Variants in MGAT4C observed in about 807,000 individuals in gnomAD.
MGAT4C encodes alpha-1,3-mannosyl-glycoprotein 4-beta-N-acetylglucosaminyltransferase C.
A neutral mutation model predicts 40.1 loss-of-function variants in MGAT4C; 19 were observed. That is an observed-to-expected ratio of 0.47 (90% confidence interval 0.33 to 0.70). The LOEUF is 0.70. Among genes scored for constraint, MGAT4C ranks in the 30% least tolerant of loss-of-function variants. The pLI is 0.02. For missense variants in MGAT4C, 491 were observed against 563.2 expected (o/e 0.87, Z 1.30); for synonymous variants, 181 against 187.1 (o/e 0.97, Z 0.27).
intron 1 of MGAT4C, among the ~76,000 whole-genome samples, chr12:86,171,655 A>G (rs1593137316): frequency 6.6e-6 from 1 of 152,302 alleles, no homozygotes; most frequent in East Asian, 1.9e-4. Flanking sequence ...TTTTCCTTAT[A>G]GGCTGATGTT....
intron 4 of MGAT4C, among the ~76,000 whole-genome samples, chr12:86,296,820 C>G (rs1173504656): frequency 6.6e-6 from 1 of 152,186 alleles, no homozygotes; most frequent in East Asian, 1.9e-4. Flanking sequence ...CTGGCCTTGG[C>G]CAGCCCAGAA....
intron 3 of MGAT4C, among the ~76,000 whole-genome samples, chr12:86,390,769 C>T (rs1018610965): frequency 2.0e-5 from 3 of 152,180 alleles, no homozygotes; most frequent in African/African-American, 7.2e-5. Flanking sequence ...CCATTCTACA[C>T]CTTTCAAATT....
intron 2 of MGAT4C, among the ~76,000 whole-genome samples, chr12:86,535,647 C>T (rs549971740): frequency 6.6e-6 from 1 of 152,172 alleles, no homozygotes; most frequent in African/African-American, 2.4e-5. Flanking sequence ...CCTCCTTCAA[C>T]AGGACTTTTA....
chr12:86,458,922 TC>T (rs1285229299), intron 2 of MGAT4C, among the ~76,000 whole-genome samples: 1 of 112,198 alleles, frequency 8.9e-6, no homozygotes, highest in African/African-American at 3.3e-5. Context: ...GGATGCCATT[TC>T]CAGTGACTTT....
At chr12:86,150,886 T>C (rs1235836442) in intron 1 of MGAT4C, among the ~76,000 whole-genome samples, 1 of 152,184 alleles carries the variant, frequency 6.6e-6, no homozygotes, top group Non-Finnish European at 1.5e-5. Context: ...TCAGCAATGA[T>C]GTGTAACAAT....
At chr12:86,794,074 A>G (rs1410830927) in intron 1 of MGAT4C, among the ~76,000 whole-genome samples, 1 of 151,958 alleles carries the variant, frequency 6.6e-6, no homozygotes, top group Admixed American at 6.6e-5. Flanking sequence ...ACAGATAAGT[A>G]ACTAGAAATT....
At chr12:86,631,160 A>G (rs898914632) in intron 2 of MGAT4C, among the ~76,000 whole-genome samples, 1 of 152,132 alleles carries the variant, frequency 6.6e-6, no homozygotes, top group Non-Finnish European at 1.5e-5. Context: ...CACAATTGCT[A>G]CAAAGAGAAT....
intron 2 of MGAT4C, among the ~76,000 whole-genome samples, chr12:86,437,079 A>G (rs1021084153): frequency 9.9e-5 from 15 of 151,820 alleles, no homozygotes; most frequent in African/African-American, 3.6e-4. Context: ...GAGTTAATTT[A>G]TAAATTCAGT....
In MGAT4C at chr12:85,967,412, A is replaced by G. The variant is rs1016900821; in HGVS notation, c.*11877T>C. On this transcript the variant is annotated 3_prime_UTR_variant, in exon 5 of 5. Coordinates refer to ENST00000611864, the MANE Select transcript of MGAT4C (RefSeq NM_001351288.2). The stretch of plus-strand genomic sequence containing the variant: ...ATCTCTATACATTACGTTTTAAAAT[A>G]CATAAAACCCATAAATTCAAGCTTA... The G allele has an allele frequency of 6.6e-6, 1 of 152,182 alleles. No homozygotes were observed. Among genetic ancestry groups the G allele is most frequent in the African/African-American group, 2.4e-5 (1 of 41,466 alleles). The allele number at this position is 152,182 out of a possible 1,614,324, so 9.4% of individuals were successfully genotyped here. A position where few individuals can be genotyped will look rare whatever the true frequency, so the allele number is the denominator to read the frequency against.
At chr12:86,698,375 A>ATGTG (rs572230517) in intron 2 of MGAT4C, among the ~76,000 whole-genome samples, 1 of 150,536 alleles carries the variant, frequency 6.6e-6, no homozygotes, top group African/African-American at 2.4e-5. Flanking sequence ...GTGTGTGTCT[A>ATGTG]TGTGTGTGTG....
chr12:86,532,181 G>A (rs113733647), intron 2 of MGAT4C, among the ~76,000 whole-genome samples: 2 of 151,922 alleles, frequency 1.3e-5, no homozygotes, highest in Non-Finnish European at 2.9e-5. Flanking sequence ...GTATTTCAGT[G>A]AACAGAACTG....
chr12:86,518,432 T>A (rs575756556), intron 2 of MGAT4C, among the ~76,000 whole-genome samples: 1 of 152,336 alleles, frequency 6.6e-6, no homozygotes, highest in Non-Finnish European at 1.5e-5. Flanking sequence ...ACTAATCACA[T>A]GAAAATATGT....
chr12:86,225,880 G>C (rs1437792483), intron 1 of MGAT4C, among the ~76,000 whole-genome samples: 6 of 151,940 alleles, frequency 3.9e-5, no homozygotes, highest in Non-Finnish European at 8.8e-5. Flanking sequence ...CTGAAAATTA[G>C]AACAAGACAA....
rs941365946 is a variant in MGAT4C at position 86,059,574 on chromosome 12, C to A, written c.-56-9851G>T. On this transcript the variant is annotated intron_variant, in intron 1 of 4. Transcript: ENST00000611864. Reference sequence around the variant, plus strand: ...GGTAGCCCAGGCTACCCCTTTTCTCCCTTTTGGAAGATACATCCCTGCTAT... The same window carrying A: ...GGTAGCCCAGGCTACCCCTTTTCTCACTTTTGGAAGATACATCCCTGCTAT... Among the ~76,000 whole-genome samples, 9 of 152,276 alleles carry A rather than the reference C, an allele frequency of 5.9e-5. 1 individual carries two copies. In the South Asian group the frequency reaches 1.7e-3, roughly 28 times the overall value.
At chr12:86,293,568 T>A (rs551979750) in intron 4 of MGAT4C, among the ~76,000 whole-genome samples, 32 of 127,886 alleles carry the variant, frequency 2.5e-4, no homozygotes, top group African/African-American at 7.6e-4. Flanking sequence ...TTTGTTCTTG[T>A]TTTTTAAATT....
At chr12:85,988,015 G>C (rs1434450176) in intron 3 of MGAT4C, among the ~76,000 whole-genome samples, 1 of 152,102 alleles carries the variant, frequency 6.6e-6, no homozygotes, top group Admixed American at 6.5e-5. Flanking sequence ...CATGGGCCTT[G>C]TTCTGTTGTC....
chr12:86,556,013 A>G (rs1012306610), intron 2 of MGAT4C, among the ~76,000 whole-genome samples: 1 of 152,264 alleles, frequency 6.6e-6, no homozygotes, highest in South Asian at 2.1e-4. Context: ...ATGCCTATGC[A>G]TGTAATATGT....
chr12:86,795,426 A>G (rs1160174562), intron 1 of MGAT4C, among the ~76,000 whole-genome samples: 2 of 151,976 alleles, frequency 1.3e-5, no homozygotes, highest in African/African-American at 2.4e-5. Flanking sequence ...TATCTACAAT[A>G]TTAGGCATAT....
intron 1 of MGAT4C, among the ~76,000 whole-genome samples, chr12:86,834,637 C>CACAT (rs398020454): frequency 3.7e-4 from 56 of 149,822 alleles, no homozygotes; most frequent in Non-Finnish European, 7.0e-4. Context: ...CACACACACA[C>CACAT]CCCTTTACAG....
Sources: allele counts gnomAD v4.1 joint callset (sites outside exome capture counted in the v4.1 genomes callset), GRCh38; gene constraint gnomAD v4.1.1; transcripts MANE v1.5; gene names NCBI Gene and HGNC (gene_info 2026-07-23, HGNC 2026-07-21).